The following RGS7 variants were observed in gnomAD, a reference collection of about 807,000 sequenced individuals.
RGS7 encodes regulator of G protein signaling 7.
Under a neutral mutation model 81.1 loss-of-function variants are expected in RGS7, and 27 were observed. That is an observed-to-expected ratio of 0.33 (90% CI 0.25 to 0.46). RGS7 has a LOEUF of 0.46. Among genes scored for constraint, RGS7 ranks in the 20% least tolerant of loss-of-function variants. The pLI, the probability that RGS7 is intolerant of heterozygous loss-of-function variation, is 1.00. For synonymous variants in RGS7, 208 were observed against 207.7 expected (o/e 1.00, Z -0.01); for missense variants, 396 against 607.4 (o/e 0.65, Z 3.66).
At chr1:241,236,038 T>G (rs991804620) in intron 2 of RGS7, among the ~76,000 whole-genome samples, 1 of 152,086 alleles carries the variant, frequency 6.6e-6, no homozygotes, top group Non-Finnish European at 1.5e-5. Flanking sequence ...TGTTCACATG[T>G]TTTTAAAGTC....
rs77761879 is a variant in RGS7 at position 241,144,696 on chromosome 1, A to C, written c.79-45934T>G. On this transcript the variant is annotated intron_variant, in intron 2 of 18. Coordinates refer to ENST00000440928, the MANE Select transcript of RGS7 (RefSeq NM_001364886.1). This position sits in a 1 kb window ranked among gnomAD's most constrained non-coding sequence, Gnocchi z 4.7. Reference sequence around the variant, plus strand: ...GAGGGATGCTAAACTTGGTATTTGAAATCTGTTTTTCCTCACGGCAGCAAC... The same window carrying C: ...GAGGGATGCTAAACTTGGTATTTGACATCTGTTTTTCCTCACGGCAGCAAC... 0.015 allele frequency among the ~76,000 whole-genome samples: 2,297 copies of C among 152,142 alleles called. 59 individuals carry two copies. Among genetic ancestry groups the C allele is most frequent in the African/African-American group, 0.053 (2,205 of 41,478 alleles).
At chr1:240,994,603 C>A (rs1308883649) in intron 3 of RGS7, among the ~76,000 whole-genome samples, 1 of 151,810 alleles carries the variant, frequency 6.6e-6, no homozygotes, top group African/African-American at 2.4e-5. Flanking sequence ...AATATAATAC[C>A]ATCTGCAAAG....
intron 9 of RGS7, among the ~76,000 whole-genome samples, chr1:240,856,831 G>T (rs1661219976): frequency 6.6e-6 from 1 of 152,144 alleles, no homozygotes; most frequent in African/African-American, 2.4e-5. Flanking sequence ...CTTATGATTA[G>T]TGTGATTTTT....
chr1:240,855,300 C>A (rs1308513579), intron 9 of RGS7, among the ~76,000 whole-genome samples: 3 of 92,092 alleles, frequency 3.3e-5, no homozygotes, highest in African/African-American at 1.3e-4. Flanking sequence ...CAGAGTGAGA[C>A]CATGTCTCAA....
chr1:241,352,635 A>G (rs1573808443), intron 2 of RGS7, among the ~76,000 whole-genome samples: 1 of 152,190 alleles, frequency 6.6e-6, no homozygotes, highest in African/African-American at 2.4e-5. Context: ...AAGCAACATT[A>G]CCATCACCTG....
chr1:240,787,109 T>A (rs1458849354), intron 18 of RGS7, among the ~76,000 whole-genome samples: 1 of 152,196 alleles, frequency 6.6e-6, no homozygotes, highest in African/African-American at 2.4e-5. Flanking sequence ...TGTTATCATA[T>A]TAACAAAACA....
At position 241,325,774 on chromosome 1, in the gene RGS7, C is replaced by T. The variant is rs79816724; in HGVS notation, c.78+29925G>A. 6.8e-3 allele frequency among the ~76,000 whole-genome samples: 1,028 copies of T among 152,102 alleles called. 11 individuals are homozygous for T. The highest frequency in any genetic ancestry group is 0.01 in the Middle Eastern group (3 of 294). On this transcript the variant is annotated intron_variant, in intron 2 of 18. Coordinates refer to ENST00000440928, the MANE Select transcript of RGS7 (RefSeq NM_001364886.1). ...AACTATTCTCCTTTTTTTCAGTTAT[C>T]ATCAAATATTGAGACACATACAGAG... is the stretch of plus-strand genomic sequence containing the variant.
At chr1:241,311,249 G>A (rs1039346079) in intron 2 of RGS7, among the ~76,000 whole-genome samples, 1 of 152,072 alleles carries the variant, frequency 6.6e-6, no homozygotes, top group African/African-American at 2.4e-5. Context: ...AGAAAATTGA[G>A]CAATAAAAAC....
chr1:241,319,765 C>T (rs1432014182), intron 2 of RGS7, among the ~76,000 whole-genome samples: 1 of 152,086 alleles, frequency 6.6e-6, no homozygotes, highest in South Asian at 2.1e-4. Context: ...TAAACATATT[C>T]TAGAAAATGT....
intron 2 of RGS7, among the ~76,000 whole-genome samples, chr1:241,237,318 C>T (rs2076033879): frequency 6.6e-6 from 1 of 152,130 alleles, no homozygotes; most frequent in Non-Finnish European, 1.5e-5. Flanking sequence ...AGCTCACATC[C>T]ACCCTTGCTC....
Position 241,246,123 on chromosome 1 carries a change from A to C in RGS7, c.78+109576T>G, listed in dbSNP as rs2076527627. Among the ~76,000 whole-genome samples, 4 of 151,924 alleles carry C rather than the reference A, an allele frequency of 2.6e-5. No homozygotes were observed. The South Asian group carries it at 8.3e-4, about 32-fold the overall frequency. On this transcript the variant is annotated intron_variant, in intron 2 of 18. Transcript: ENST00000440928. The stretch of plus-strand genomic sequence containing the variant: ...TGTCTCAAAAATAAATAAATAAAAA[A>C]CCGAAACGTGTGTGTGTCTGTGATG...
intron 3 of RGS7, among the ~76,000 whole-genome samples, chr1:241,089,059 C>CTATA (rs1309771256): frequency 8.9e-4 from 39 of 43,994 alleles, no homozygotes; most frequent in African/African-American, 8.5e-4. Context: ...CTCTCTCTCT[C>CTATA]TCTCTATATA....
chr1:241,080,695 A>G (rs1287927561), intron 3 of RGS7, among the ~76,000 whole-genome samples: 1 of 152,150 alleles, frequency 6.6e-6, no homozygotes, highest in African/African-American at 2.4e-5. Context: ...TTTCTTGTTC[A>G]TCTGTTGTGT....
chr1:241,099,204 T>C (rs2064527886), intron 2 of RGS7, among the ~76,000 whole-genome samples: 1 of 152,220 alleles, frequency 6.6e-6, no homozygotes, highest in African/African-American at 2.4e-5. Flanking sequence ...TTCCGTGATT[T>C]TGTTTTACAA....
At chr1:240,866,294 G>A (rs1226825875) in intron 9 of RGS7, among the ~76,000 whole-genome samples, 1 of 152,104 alleles carries the variant, frequency 6.6e-6, no homozygotes, top group African/African-American at 2.4e-5. Context: ...CGTGGATCAC[G>A]AGGTCAGGAG....
chr1:241,013,476 C>T (rs147570334), intron 3 of RGS7, among the ~76,000 whole-genome samples: 2 of 152,264 alleles, frequency 1.3e-5, no homozygotes, highest in Non-Finnish European at 2.9e-5. Flanking sequence ...CCAAAGGTGT[C>T]CCAGCTAAGA....
intron 3 of RGS7, among the ~76,000 whole-genome samples, chr1:241,030,361 CAT>C (rs370562497): frequency 7.8e-5 from 8 of 102,140 alleles, no homozygotes; most frequent in African/African-American, 7.9e-5. Flanking sequence ...GAACTTATAG[CAT>C]ATATATATAT....
intron 18 of RGS7, among the ~76,000 whole-genome samples, chr1:240,778,625 C>A (rs959164884): frequency 6.6e-6 from 1 of 152,084 alleles, no homozygotes; most frequent in African/African-American, 2.4e-5. Flanking sequence ...CTGCACCTCC[C>A]GGATTCAAGC....
At chr1:240,887,273 G>C (rs1667519304) in intron 6 of RGS7, among the ~76,000 whole-genome samples, 1 of 129,400 alleles carries the variant, frequency 7.7e-6, no homozygotes, top group Non-Finnish European at 1.5e-5. Context: ...CTTTTGCCCA[G>C]GCCGGAGTGC....
Sources: allele counts gnomAD v4.1 joint callset (sites outside exome capture counted in the v4.1 genomes callset), GRCh38; gene constraint gnomAD v4.1.1; non-coding constraint Gnocchi (gnomAD v3.1); transcripts MANE v1.5; gene names NCBI Gene and HGNC (gene_info 2026-07-23, HGNC 2026-07-21).